The following DPYD variants were observed in gnomAD, a reference collection of about 807,000 sequenced individuals.
DPYD encodes the protein dihydropyrimidine dehydrogenase [NADP(+)].
In DPYD, 109 loss-of-function variants were observed where a neutral mutation model predicts 116.2. The ratio of observed to expected loss-of-function variants is 0.94; its 90% CI spans 0.80 to 1.10. The LOEUF (loss-of-function observed/expected upper bound fraction) is 1.10, where lower values mean the gene tolerates loss of function less well. DPYD is among the 50% of genes least tolerant of loss of function. The probability of loss-of-function intolerance (pLI) is 0.00; values close to 1 mark genes in which losing one functional copy is unlikely to be tolerated. For synonymous variants in DPYD, 440 were observed against 432.0 expected (o/e 1.02, Z -0.23); for missense variants, 1,302 against 1,254.5 (o/e 1.04, Z -0.57).
chr1:97,622,448 G>GA (rs1656685013), intron 8 of DPYD, among the ~76,000 whole-genome samples: 2 of 151,722 alleles, frequency 1.3e-5, no homozygotes, highest in Admixed American at 1.3e-4. Context: ...AGGAAAGTCT[G>GA]AAAAAACCAT....
intron 20 of DPYD, among the ~76,000 whole-genome samples, chr1:97,162,016 G>A (rs1295817513): frequency 2.0e-5 from 3 of 151,756 alleles, no homozygotes; most frequent in African/African-American, 7.3e-5. Flanking sequence ...ATTGTGAATA[G>A]AGCCGCAATA....
At chr1:97,781,171 T>C (rs761707859) in intron 3 of DPYD, among the ~76,000 whole-genome samples, 6 of 152,248 alleles carry the variant, frequency 3.9e-5, no homozygotes, top group Admixed American at 2.0e-4. Flanking sequence ...TAGAGTTCTA[T>C]TTCCATCCAC....
intron 18 of DPYD, among the ~76,000 whole-genome samples, chr1:97,257,595 T>G (rs904886089): frequency 6.6e-6 from 1 of 151,724 alleles, no homozygotes; most frequent in Admixed American, 6.6e-5. Flanking sequence ...ATATATATGG[T>G]ACAAGTATAT....
At chr1:97,575,373 T>C (rs1274318616) in intron 10 of DPYD, among the ~76,000 whole-genome samples, 1 of 152,084 alleles carries the variant, frequency 6.6e-6, no homozygotes. Flanking sequence ...TAAACAGTTA[T>C]ACAGTATATC....
intron 2 of DPYD, among the ~76,000 whole-genome samples, chr1:97,881,059 T>G (rs1672192399): frequency 6.6e-6 from 1 of 152,002 alleles, no homozygotes; most frequent in Admixed American, 6.6e-5. Context: ...TATTAGAAAA[T>G]AAATTACTGG....
intron 3 of DPYD, among the ~76,000 whole-genome samples, chr1:97,805,865 T>A (rs1668057965): frequency 6.6e-6 from 1 of 151,314 alleles, no homozygotes; most frequent in African/African-American, 2.4e-5. Context: ...ATTCAAGAGG[T>A]TTGTGGGAGG....
intron 10 of DPYD, among the ~76,000 whole-genome samples, chr1:97,581,745 C>CAAAAAAAA (rs1226325704): frequency 1.6e-5 from 1 of 63,564 alleles, no homozygotes; most frequent in African/African-American, 5.8e-5. Context: ...GATCCTGTCT[C>CAAAAAAAA]AAAAAAAAAA....
At chr1:97,754,324 T>G (rs2101108799) in intron 3 of DPYD, among the ~76,000 whole-genome samples, 1 of 152,184 alleles carries the variant, frequency 6.6e-6, no homozygotes, top group East Asian at 1.9e-4. Context: ...ATCAATAAAA[T>G]TAGCTGTCTA....
chr1:97,248,978 A>G (rs769504759), intron 18 of DPYD, among the ~76,000 whole-genome samples: 5 of 152,188 alleles, frequency 3.3e-5, no homozygotes, highest in Non-Finnish European at 5.9e-5. Context: ...GAGACATACT[A>G]ATCATAGACT....
At chr1:97,385,083 AT>A (rs1327188523) in intron 14 of DPYD, among the ~76,000 whole-genome samples, 5 of 151,942 alleles carry the variant, frequency 3.3e-5, no homozygotes, top group African/African-American at 1.2e-4. Context: ...TCCAAGCTTC[AT>A]TTGCAAGTAT....
At chr1:97,148,653 C>T (rs1046307803) in intron 20 of DPYD, among the ~76,000 whole-genome samples, 11 of 151,978 alleles carry the variant, frequency 7.2e-5, no homozygotes, top group Admixed American at 3.3e-4. Flanking sequence ...TGGGAGATAC[C>T]TACTATGGAA....
chr1:97,480,746 C>T (rs1042809042), intron 13 of DPYD, among the ~76,000 whole-genome samples: 4 of 152,192 alleles, frequency 2.6e-5, no homozygotes, highest in Non-Finnish European at 2.9e-5. Flanking sequence ...TTTGGGAGGC[C>T]GAGGCATGCA....
At chr1:97,475,983 G>C (rs994872286) in intron 13 of DPYD, among the ~76,000 whole-genome samples, 3 of 152,200 alleles carry the variant, frequency 2.0e-5, no homozygotes, top group African/African-American at 7.2e-5. Flanking sequence ...AGTTACATCA[G>C]AAAATTAAAG....
chr1:97,305,702 G>A (rs558548127), intron 17 of DPYD, among the ~76,000 whole-genome samples: 1 of 152,020 alleles, frequency 6.6e-6, no homozygotes, highest in East Asian at 1.9e-4. Flanking sequence ...ACACAAGCAC[G>A]CATGATTTTT....
chr1:97,196,041 T>C (rs1658787666), intron 19 of DPYD, among the ~76,000 whole-genome samples: 1 of 151,978 alleles, frequency 6.6e-6, no homozygotes, highest in Non-Finnish European at 1.5e-5. Flanking sequence ...CTAAGAAGTT[T>C]GGCTCCTGTA....
intron 10 of DPYD, among the ~76,000 whole-genome samples, chr1:97,587,549 C>T (rs1228505639): frequency 6.6e-6 from 1 of 152,030 alleles, no homozygotes; most frequent in Non-Finnish European, 1.5e-5. Flanking sequence ...GTTTAGGCCA[C>T]GCACGGTGGC....
At chr1:97,372,162 T>C (rs1406527038) in intron 16 of DPYD, among the ~76,000 whole-genome samples, 1 of 152,194 alleles carries the variant, frequency 6.6e-6, no homozygotes, top group Non-Finnish European at 1.5e-5. Context: ...TTGAATTGCA[T>C]TCTCCCCTAA....
chr1:97,355,642 T>A (rs1258144587), intron 16 of DPYD, among the ~76,000 whole-genome samples: 1 of 152,192 alleles, frequency 6.6e-6, no homozygotes, highest in African/African-American at 2.4e-5. Flanking sequence ...TTAGATTGTT[T>A]CATTGTTTTA....
intron 8 of DPYD, among the ~76,000 whole-genome samples, chr1:97,678,861 G>A (rs1660287948): frequency 6.6e-6 from 1 of 152,086 alleles, no homozygotes. Flanking sequence ...TGATGGTGTG[G>A]TGAAAGAATG....
Sources: gnomAD v4.1 joint callset for allele counts (sites outside exome capture counted in the v4.1 genomes callset) on GRCh38, gnomAD v4.1.1 for gene constraint, MANE v1.5 for transcripts, NCBI Gene and HGNC (gene_info 2026-07-23, HGNC 2026-07-21) for gene names.